The following ATP13A4 variants were observed in gnomAD, a reference collection of about 807,000 sequenced individuals.
ATP13A4 encodes probable cation-transporting ATPase 13A4.
Under a neutral mutation model 142.5 loss-of-function variants are expected in ATP13A4, and 114 were observed. That is an observed-to-expected ratio of 0.80 (90% CI 0.69 to 0.93). The LOEUF (loss-of-function observed/expected upper bound fraction) is 0.93, where lower values mean the gene tolerates loss of function less well. Among genes scored for constraint, ATP13A4 ranks in the 40% least tolerant of loss-of-function variants. The pLI is 0.00. For missense variants in ATP13A4, 1,392 were observed against 1,454.0 expected, an observed-to-expected ratio of 0.96 and a Z score of 0.69; for synonymous variants, 488 against 514.8, an observed-to-expected ratio of 0.95 and a Z score of 0.70.
intron 1 of ATP13A4, among the ~76,000 whole-genome samples, chr3:193,550,757 T>C (rs199765533): frequency 6.6e-6 from 1 of 152,240 alleles, no homozygotes; most frequent in East Asian, 1.9e-4. Context: ...TTTTTTGTCT[T>C]ATTTGTTAAG....
Position 193,497,631 on chromosome 3 carries a change from T to C in ATP13A4, c.382-4471A>G, listed in dbSNP as rs190081026. ...ATCTGCACTCTCGTGTTTATTGCAGTACTATTCACAATAACCAAGATATGG... is the reference window on the plus strand; with the variant it reads ...ATCTGCACTCTCGTGTTTATTGCAGCACTATTCACAATAACCAAGATATGG... On this transcript the variant is annotated intron_variant, in intron 3 of 29. Coordinates refer to ENST00000342695, the MANE Select transcript of ATP13A4 (RefSeq NM_032279.4). 3.6e-4 allele frequency among the ~76,000 whole-genome samples: 55 copies of C among 152,254 alleles called. No homozygotes were observed. In the East Asian group the frequency reaches 0.01, roughly 29 times the overall value.
chr3:193,427,067 T>C lies in ATP13A4; in HGVS notation c.2842+6778A>G, dbSNP rs567813778. Among the ~76,000 whole-genome samples the C allele has an allele frequency of 3.3e-5, 5 of 152,150 alleles. No individual in the cohort carries two copies. In the South Asian group the frequency reaches 1.0e-3, roughly 32 times the overall value. On this transcript the variant is annotated intron_variant, in intron 25 of 29. Transcript: ENST00000342695. ...GATAACATATAGGAGAAAATATTTG[T>C]GATTTCATGTCTCATAAGAGTTTAA...
intron 1 of ATP13A4, among the ~76,000 whole-genome samples, chr3:193,541,379 AGATTAT>A (rs1722914824): frequency 8.6e-6 from 1 of 116,354 alleles, no homozygotes; most frequent in African/African-American, 2.9e-5. Flanking sequence ...TATCGATCAC[AGATTAT>A]CTATCTGTGA....
At chr3:193,497,485 A>G (rs1219702685) in intron 3 of ATP13A4, among the ~76,000 whole-genome samples, 4 of 152,246 alleles carry the variant, frequency 2.6e-5, no homozygotes, top group Non-Finnish European at 5.9e-5. Context: ...AAATTAGTAC[A>G]GCCATTATGA....
intron 1 of ATP13A4, among the ~76,000 whole-genome samples, chr3:193,530,278 T>C (rs1577055703): frequency 6.6e-6 from 1 of 152,058 alleles, no homozygotes; most frequent in Admixed American, 6.5e-5. Context: ...CTTTTTCTCC[T>C]AGGGAAAAAA....
Position 193,456,995 on chromosome 3 carries a change from C to T in ATP13A4, c.1915+5G>A. ...GCCAGGTGTAATCCAAGTCAAGTTA[C>T]AGACCTGTCTCAGGTTGGCAAAAGC... On this transcript the variant is annotated splice_donor_5th_base_variant and intron_variant, in intron 16 of 29. Transcript: ENST00000342695. 7.4e-6 allele frequency: 12 copies of T among 1,611,044 alleles called. No individual in the cohort carries two copies. The highest frequency in any genetic ancestry group is 1.0e-5 in the Non-Finnish European group (12 of 1,178,586).
intron 24 of ATP13A4, among the ~76,000 whole-genome samples, chr3:193,434,673 G>A (rs1276457456): frequency 6.6e-6 from 1 of 152,162 alleles, no homozygotes; most frequent in East Asian, 1.9e-4. Context: ...AGTATATAAA[G>A]ATGAATCTGG....
intron 23 of ATP13A4, among the ~76,000 whole-genome samples, chr3:193,435,956 C>A (rs1357896598): frequency 6.6e-6 from 1 of 152,168 alleles, no homozygotes; most frequent in East Asian, 1.9e-4. Context: ...AGGCCAAGGT[C>A]CAAGGGCCTT....
At chr3:193,433,733 G>C in intron 25 of ATP13A4, 112 bp downstream of exon 25, 2 of 778,660 alleles carry the variant, frequency 2.6e-6, no homozygotes. Context: ...ATAAATTCCA[G>C]ATCATTGCTG....
At position 193,400,957 on chromosome 3, in the gene ATP13A4, G is replaced by C. The variant is rs1244140749; in HGVS notation, c.*1695C>G. Among the ~76,000 whole-genome samples, 1 of 152,162 alleles carries C rather than the reference G, an allele frequency of 6.6e-6. No homozygotes were observed. The highest frequency in any genetic ancestry group is 1.5e-5 in the Non-Finnish European group (1 of 68,024). ...AAACATTTCTTTCTGTACCAAAAAA[G>C]ACAGTGATTCTGCAGTCTTGAAACA... On this transcript the variant is annotated 3_prime_UTR_variant, in exon 30 of 30. Transcript: ENST00000342695.
chr3:193,499,209 C>T (rs565065036), intron 3 of ATP13A4, among the ~76,000 whole-genome samples: 1 of 152,270 alleles, frequency 6.6e-6, no homozygotes, highest in South Asian at 2.1e-4. Context: ...AAAAGTATAT[C>T]TTATTGCCGA....
At chr3:193,453,165 C>T (rs1366586137) in intron 17 of ATP13A4, among the ~76,000 whole-genome samples, 1 of 152,094 alleles carries the variant, frequency 6.6e-6, no homozygotes. Context: ...AAACTATCAC[C>T]TGTGTGAAAC....
At chr3:193,514,591 G>A in intron 2 of ATP13A4, 107 bp downstream of exon 2, 5 of 1,423,066 alleles carry the variant, frequency 3.5e-6, no homozygotes, top group Non-Finnish European at 3.0e-6. Flanking sequence ...AAAGACTGGA[G>A]CCTCCACCTG....
At chr3:193,528,106 G>A (rs1283905956) in intron 1 of ATP13A4, among the ~76,000 whole-genome samples, 1 of 152,184 alleles carries the variant, frequency 6.6e-6, no homozygotes, top group Non-Finnish European at 1.5e-5. Context: ...AATGGTTTCT[G>A]TTGCACCATT....
intron 2 of ATP13A4, among the ~76,000 whole-genome samples, chr3:193,576,249 CTTTTTTTTTTTTTTTTTTTT>C (rs59910562): frequency 7.4e-5 from 4 of 54,366 alleles, no homozygotes; most frequent in South Asian, 1.7e-3. Context: ...TTGAATCAAT[CTTTTTTTTTTTTTTTTTTTT>C]TTTTTTTTTT....
At position 193,462,822 on chromosome 3, in the gene ATP13A4, G is replaced by GTCTAAACAGAAACAAATGCTCCA. The variant is rs1257297285; in HGVS notation, c.1462-22_1462dup (p.Thr488MetfsTer12). 1.1e-5 allele frequency: 17 copies of GTCTAAACAGAAACAAATGCTCCA among 1,613,660 alleles called. No homozygotes were observed. The Admixed American group carries it at 2.8e-4, about 27-fold the overall frequency. On this transcript the variant is annotated frameshift_variant and splice_region_variant, in exon 13 of 30. Transcript: ENST00000342695. LOFTEE classifies it high-confidence loss of function. The stretch of plus-strand genomic sequence containing the variant: ...CAAGCCGTCCCTTGTTAAGGTGCCT[G>GTCTAAACAGAAACAAATGCTCCA]TCTAAACAGAAACAAATGCTCCATT...
At chr3:193,531,205 C>T (rs1173099988) in intron 1 of ATP13A4, among the ~76,000 whole-genome samples, 1 of 143,306 alleles carries the variant, frequency 7.0e-6, no homozygotes, top group Non-Finnish European at 1.5e-5. Context: ...GATATTGAGA[C>T]ATAGAACTTT....
Position 193,486,224 on chromosome 3 carries a change from T to C in ATP13A4, c.739-2219A>G, listed in dbSNP as rs369826305. ...AGAGCTCTAGAAACTAAAAAGTTTG[T>C]GAACCTCCAGGGAAAGCTTTAAAGT... On this transcript the variant is annotated intron_variant, in intron 7 of 29. Coordinates refer to ENST00000342695, the MANE Select transcript of ATP13A4 (RefSeq NM_032279.4). 1.3e-4 allele frequency among the ~76,000 whole-genome samples: 20 copies of C among 152,198 alleles called. No individual in the cohort carries two copies. In the East Asian group the frequency reaches 3.7e-3, roughly 28 times the overall value.
intron 3 of ATP13A4, among the ~76,000 whole-genome samples, chr3:193,499,822 G>T (rs1720440391): frequency 6.6e-6 from 1 of 152,164 alleles, no homozygotes; most frequent in East Asian, 1.9e-4. Context: ...CACTGAGGTT[G>T]AAAAATGTAT....
Sources: allele counts gnomAD v4.1 joint callset (sites outside exome capture counted in the v4.1 genomes callset), GRCh38; gene constraint gnomAD v4.1.1; transcripts MANE v1.5; gene names NCBI Gene and HGNC (gene_info 2026-07-23, HGNC 2026-07-21).